DMRTA1: variants seen among roughly 807,000 people sequenced by gnomAD.
The protein encoded by DMRTA1 is DMRT like family A1.
In DMRTA1, 34 loss-of-function variants were observed where a neutral mutation model predicts 35.2. That is an observed-to-expected ratio of 0.97 (90% CI 0.74 to 1.29). DMRTA1 has a LOEUF of 1.29. DMRTA1 is among the 50% of genes most tolerant of loss of function. The pLI is 0.00. For synonymous variants in DMRTA1, 344 were observed against 276.6 expected (o/e 1.24, Z -2.42); for missense variants, 824 against 644.6 (o/e 1.28, Z -3.01).
rs1818963829 is a variant in DMRTA1, at chr9:22,453,628, G to C, written c.*1717G>C. On this transcript the variant is annotated 3_prime_UTR_variant, in exon 2 of 2. Coordinates refer to ENST00000325870, the MANE Select transcript of DMRTA1 (RefSeq NM_022160.3). ...AGTTGAAATTCAATTCATATATACT[G>C]AGTAAGAAACTCTTATATATAATAG... 2 of 152,020 alleles carry C rather than the reference G, an allele frequency of 1.3e-5. No individual in the cohort carries two copies. The highest frequency in any genetic ancestry group is 2.9e-5 in the Non-Finnish European group (2 of 67,942). The allele number at this position is 152,020 out of a possible 1,614,324, so 9.4% of individuals were successfully genotyped here. A position where few individuals can be genotyped will look rare whatever the true frequency, so the allele number is the denominator to read the frequency against.
rs1368798351 is a variant in DMRTA1 at position 22,454,119 on chromosome 9, C to T, written c.*2208C>T. ...CTTTATAATAATTTAAGGACTTAAT[C>T]TTATCAAATAGGTCATTTGTCTAAC... is the stretch of plus-strand genomic sequence containing the variant. On this transcript the variant is annotated 3_prime_UTR_variant, in exon 2 of 2. Transcript: ENST00000325870. 6.6e-6 allele frequency: 1 copy of T among 151,970 alleles called. No individual in the cohort carries two copies. The highest frequency in any genetic ancestry group is 2.4e-5 in the African/African-American group (1 of 41,390). The allele number at this position is 151,970 out of a possible 1,614,324, so 9.4% of individuals were successfully genotyped here. A position where few individuals can be genotyped will look rare whatever the true frequency, so the allele number is the denominator to read the frequency against.
rs775961973 is a variant in DMRTA1 at position 22,451,049 on chromosome 9, C to T, written c.668-15C>T. 56 of 1,576,888 alleles carry T rather than the reference C, an allele frequency of 3.6e-5. No homozygotes were observed. Among genetic ancestry groups the T allele is most frequent in the African/African-American group, 4.1e-5 (3 of 72,914 alleles). On this transcript the variant is annotated splice_polypyrimidine_tract_variant and intron_variant, in intron 1 of 1. Coordinates refer to ENST00000325870, the MANE Select transcript of DMRTA1 (RefSeq NM_022160.3). ...TCTTCCCTGTATTTGATTTTTTTTT[C>T]CCCCTCTTCTCCAGAACAAAAAGAG...
At chr9:22,449,018 G>A (rs1818883821) in intron 1 of DMRTA1, among the ~76,000 whole-genome samples, 1 of 152,224 alleles carries the variant, frequency 6.6e-6, no homozygotes, top group African/African-American at 2.4e-5. Flanking sequence ...ATCTCCCTGT[G>A]AGACACTGAT....
At position 22,447,267 on chromosome 9, in the gene DMRTA1, A is replaced by G. The variant is rs1426112707; in HGVS notation, c.202A>G (p.Thr68Ala). The G allele has an allele frequency of 1.3e-6, 2 of 1,504,414 alleles. No homozygotes were observed. The highest frequency in any genetic ancestry group is 2.4e-5 in the Admixed American group (1 of 41,992). The allele number at this position is 1,504,414 out of a possible 1,614,324, so 93.2% of individuals were successfully genotyped here. The change falls in exon 1 of 2, where the codon ACC becomes GCC. Residue 68 changes from threonine to alanine, a missense_variant. Coordinates refer to ENST00000325870, the MANE Select transcript of DMRTA1 (RefSeq NM_022160.3). ...AAAAAAAAAA[T>A]SGSGGCPPAP... The stretch of plus-strand genomic sequence containing the variant: ...CGCGGCCGCCGCCGCCGCTGCCGCC[A>G]CCTCGGGAAGCGGAGGCTGCCCGCC...
chr9:22,449,938 C>A (rs1408156130), intron 1 of DMRTA1, among the ~76,000 whole-genome samples: 1 of 152,092 alleles, frequency 6.6e-6, no homozygotes, highest in Non-Finnish European at 1.5e-5. Flanking sequence ...TTGTGACATT[C>A]ATAAACTTGG....
intron 1 of DMRTA1, among the ~76,000 whole-genome samples, chr9:22,449,625 G>A (rs1818893945): frequency 6.6e-6 from 1 of 152,058 alleles, no homozygotes; most frequent in African/African-American, 2.4e-5. Flanking sequence ...GAGGACTAAT[G>A]CTAATCTATT....
chr9:22,448,611 T>C (rs1026338855), intron 1 of DMRTA1, among the ~76,000 whole-genome samples: 3 of 152,058 alleles, frequency 2.0e-5, no homozygotes, highest in Non-Finnish European at 2.9e-5. Context: ...ATTTTTTTTT[T>C]GTATAAGTCA....
rs1349833252 is a variant in DMRTA1 at position 22,447,222 on chromosome 9, C to T, written c.157C>T (p.Leu53Phe). Reference sequence around the variant, plus strand: ...CCCAGCGTTCCTGCGGCCGCCCAGCCTCTTTCTGCGAGCAGCGGCCGCGGC... The same window carrying T: ...CCCAGCGTTCCTGCGGCCGCCCAGCTTCTTTCTGCGAGCAGCGGCCGCGGC... ...VPPAFLRPPS[L>F]FLRAAAAAAA... The change falls in exon 1 of 2, where the codon CTC (leucine) becomes TTC (phenylalanine). Residue 53 changes from leucine (L) to phenylalanine (F), a missense_variant. Coordinates refer to ENST00000325870, the MANE Select transcript of DMRTA1 (RefSeq NM_022160.3). The T allele has an allele frequency of 6.4e-7, 1 of 1,559,902 alleles. No individual in the cohort carries two copies. The highest frequency in any genetic ancestry group is 2.5e-5 in the East Asian group (1 of 39,460).
intron 1 of DMRTA1, 148 bp downstream of exon 1, chr9:22,447,880 A>G (rs1818864788): frequency 1.1e-6 from 1 of 918,312 alleles, no homozygotes; most frequent in Non-Finnish European, 1.6e-6. Flanking sequence ...CAATATGGAC[A>G]TTAATGAGAG....
rs1818978777 is a variant in DMRTA1, at chr9:22,454,677, G to A, written c.*2766G>A. On this transcript the variant is annotated 3_prime_UTR_variant, in exon 2 of 2. Transcript: ENST00000325870. Reference sequence around the variant, plus strand: ...TGGTGGGAAGAAAGAGGGGGTAAATGCTTTAAGAGCTAGCATATAACAAAA... The same window carrying A: ...TGGTGGGAAGAAAGAGGGGGTAAATACTTTAAGAGCTAGCATATAACAAAA... The A allele has an allele frequency of 1.3e-5, 2 of 152,262 alleles. No individual in the cohort carries two copies. Among genetic ancestry groups the A allele is most frequent in the South Asian group, 4.1e-4 (2 of 4,826 alleles). 9.4% of individuals were successfully genotyped at this position (152,262 alleles called of 1,614,324 possible).
chr9:22,447,546 T>A lies in DMRTA1; in HGVS notation c.481T>A (p.Cys161Ser), dbSNP rs764767867. Residue 161 changes from cysteine (C) to serine (S), a missense_variant, in exon 1 of 2, where the codon TGC (cysteine) becomes AGC (serine). Transcript: ENST00000325870. Reference protein sequence around the residue: ...SEARGLQRLLCSGLSWPPGGR... With the variant: ...SEARGLQRLLSSGLSWPPGGR... ...AGCCCGGGGGCTACAGAGGCTCCTGTGCTCGGGGCTCTCCTGGCCCCCCGG... is the reference window on the plus strand; with the variant it reads ...AGCCCGGGGGCTACAGAGGCTCCTGAGCTCGGGGCTCTCCTGGCCCCCCGG... 8 of 1,588,202 alleles carry A rather than the reference T, an allele frequency of 5.0e-6. No individual in the cohort carries two copies. In the East Asian group the frequency reaches 1.6e-4, roughly 32 times the overall value.
In DMRTA1 at chr9:22,451,907, C is replaced by T. The variant is rs76494653; in HGVS notation, c.1511C>T (p.Pro504Leu). ...RLYFRPNQDN[P>L] ...TACTTCAGACCAAATCAGGACAATC[C>T]GTAATGTATATGCCCATTCTCTCTT... is the stretch of plus-strand genomic sequence containing the variant. Residue 504 changes from proline to leucine, a missense_variant, in exon 2 of 2, where the codon CCG (proline) becomes CTG (leucine). Pro to Leu is a moderately conservative substitution (Grantham distance 98, BLOSUM62 -3). Transcript: ENST00000325870. 963 of 1,613,660 alleles carry T rather than the reference C, an allele frequency of 6.0e-4. 9 individuals carry two copies. In the South Asian group the frequency reaches 8.0e-3, roughly 13 times the overall value.
Position 22,447,539 on chromosome 9 carries a change from G to T in DMRTA1, c.474G>T (p.Arg158Ser). The change falls in exon 1 of 2, where the codon AGG becomes AGT. Residue 158 changes from arginine (R) to serine (S), a missense_variant. Transcript: ENST00000325870. Reference protein sequence around the residue: ...QEESEARGLQRLLCSGLSWPP... With the variant: ...QEESEARGLQSLLCSGLSWPP... The stretch of plus-strand genomic sequence containing the variant: ...AGAGCGAAGCCCGGGGGCTACAGAG[G>T]CTCCTGTGCTCGGGGCTCTCCTGGC... The T allele has an allele frequency of 6.3e-7, 1 of 1,584,810 alleles. No homozygotes were observed. Among genetic ancestry groups the T allele is most frequent in the Non-Finnish European group, 8.6e-7 (1 of 1,166,164 alleles).
rs150063909 is a variant in DMRTA1, at chr9:22,453,221, A to G, written c.*1310A>G. 5.4e-3 allele frequency: 817 copies of G among 152,220 alleles called. 13 individuals carry two copies. The highest frequency in any genetic ancestry group is 0.017 in the African/African-American group (726 of 41,558). The allele number at this position is 152,220 out of a possible 1,614,324, so 9.4% of individuals were successfully genotyped here. On this transcript the variant is annotated 3_prime_UTR_variant, in exon 2 of 2. Transcript: ENST00000325870. ...ATAGTTGATGAATTAGAGATTGTTTAAACTATTTAAGCAGCATGACTCACT... is the reference window on the plus strand; with the variant it reads ...ATAGTTGATGAATTAGAGATTGTTTGAACTATTTAAGCAGCATGACTCACT...
rs756339037 is a variant in DMRTA1, at chr9:22,451,525, G to T, written c.1129G>T (p.Ala377Ser). ...KEHKPDNRNL[A>S]NSEELENTAF... Reference sequence around the variant, plus strand: ...ACACAAGCCAGACAACAGGAACCTAGCAAACTCAGAAGAACTGGAAAACAC... The same window carrying T: ...ACACAAGCCAGACAACAGGAACCTATCAAACTCAGAAGAACTGGAAAACAC... Residue 377 changes from alanine to serine, a missense_variant, in exon 2 of 2, where the codon GCA (alanine) becomes TCA (serine). Transcript: ENST00000325870. 1.2e-6 allele frequency: 2 copies of T among 1,614,168 alleles called. No homozygotes were observed. The highest frequency in any genetic ancestry group is 2.2e-5 in the South Asian group (2 of 91,076).
chr9:22,454,416 T>C lies in DMRTA1; in HGVS notation c.*2505T>C, dbSNP rs192894869. 1.4e-4 allele frequency: 22 copies of C among 152,308 alleles called. No homozygotes were observed. In the East Asian group the frequency reaches 4.2e-3, roughly 29 times the overall value. 9.4% of individuals were successfully genotyped at this position (152,308 alleles called of 1,614,324 possible). On this transcript the variant is annotated 3_prime_UTR_variant, in exon 2 of 2. Transcript: ENST00000325870. ...ATTTCTTCATTCAACACCTATTTAATATTTTTAATAATCTATTTGTGCCAT... is the reference window on the plus strand; with the variant it reads ...ATTTCTTCATTCAACACCTATTTAACATTTTTAATAATCTATTTGTGCCAT...
At position 22,455,183 on chromosome 9, in the gene DMRTA1, T is replaced by C. The variant is rs1408775681; in HGVS notation, c.*3272T>C. On this transcript the variant is annotated 3_prime_UTR_variant, in exon 2 of 2. Transcript: ENST00000325870. ...GAGGTTAGTGTAAGGTATATAGGCA[T>C]GAGTGGGGCTTAAAGAGGATATGGG... The C allele has an allele frequency of 5.3e-5, 8 of 152,166 alleles. No individual in the cohort carries two copies. The highest frequency in any genetic ancestry group is 1.2e-4 in the Non-Finnish European group (8 of 68,018). 9.4% of individuals were successfully genotyped at this position (152,166 alleles called of 1,614,324 possible).
Position 22,455,044 on chromosome 9 carries a change from AAC to A in DMRTA1, c.*3137_*3138del, listed in dbSNP as rs1264821666. The A allele has an allele frequency of 6.6e-6, 1 of 152,206 alleles. No homozygotes were observed. The highest frequency in any genetic ancestry group is 1.5e-5 in the Non-Finnish European group (1 of 68,036). The allele number at this position is 152,206 out of a possible 1,614,324, so 9.4% of individuals were successfully genotyped here. A position where few individuals can be genotyped will look rare whatever the true frequency, so the allele number is the denominator to read the frequency against. On this transcript the variant is annotated 3_prime_UTR_variant, in exon 2 of 2. Transcript: ENST00000325870. ...ACACCCTACCATTATTTATCAATAA[AAC>A]ACAGTGCAGTTTTGCTCATCAGAAT...
chr9:22,447,598 G>A lies in DMRTA1; in HGVS notation c.533G>A (p.Arg178Lys). Residue 178 changes from arginine to lysine, a missense_variant, in exon 1 of 2, where the codon AGA becomes AAA. Arg to Lys is a conservative substitution (Grantham distance 26). Coordinates refer to ENST00000325870, the MANE Select transcript of DMRTA1 (RefSeq NM_022160.3). ...GGTCGGGCATCCGGGGGCGGCGGCAGAGCCGAGAATCCACAGTCCACGGGC... is the reference window on the plus strand; with the variant it reads ...GGTCGGGCATCCGGGGGCGGCGGCAAAGCCGAGAATCCACAGTCCACGGGC... ...PGGRASGGGG[R>K]AENPQSTGGP... 1.9e-6 allele frequency: 3 copies of A among 1,605,224 alleles called. No individual in the cohort carries two copies. Among genetic ancestry groups the A allele is most frequent in the African/African-American group, 1.3e-5 (1 of 74,640 alleles).
Sources: allele counts gnomAD v4.1 joint callset (sites outside exome capture counted in the v4.1 genomes callset), GRCh38; gene constraint gnomAD v4.1.1; transcripts MANE v1.5; gene names NCBI Gene and HGNC (gene_info 2026-07-23, HGNC 2026-07-21).